Variants in STK10 observed in about 807,000 individuals in gnomAD.
STK10 encodes the protein serine/threonine kinase 10.
STK10 carries 78 observed loss-of-function variants against 113.8 expected under a neutral mutation model. The ratio of observed to expected loss-of-function variants is 0.69; its 90% CI spans 0.57 to 0.83. STK10 has a LOEUF of 0.83. Among genes scored for constraint, STK10 ranks in the 40% least tolerant of loss-of-function variants. STK10 has a pLI of 0.00. For synonymous variants in STK10, 465 were observed against 494.7 expected (o/e 0.94, Z 0.80); for missense variants, 1,109 against 1,280.1 (o/e 0.87, Z 2.04).
rs552183352 is a variant in STK10 at position 172,120,553 on chromosome 5, C to T, written c.371-2923G>A. On this transcript the variant is annotated intron_variant, in intron 3 of 18. Coordinates refer to ENST00000176763, the MANE Select transcript of STK10 (RefSeq NM_005990.4). The surrounding 1 kb of genome is among the most constrained non-coding windows in gnomAD (Gnocchi z 4.0). The stretch of plus-strand genomic sequence containing the variant: ...GCTTCAGGACCACACAGACCGAGGC[C>T]GTACCCAGGTGCTGCCTCTCACTAG... 2.6e-5 allele frequency among the ~76,000 whole-genome samples: 4 copies of T among 152,196 alleles called. No homozygotes were observed. The highest frequency in any genetic ancestry group is 9.6e-5 in the African/African-American group (4 of 41,568).
intron 4 of STK10, among the ~76,000 whole-genome samples, chr5:172,114,036 C>T (rs1769308673): frequency 6.6e-6 from 1 of 152,084 alleles, no homozygotes; most frequent in South Asian, 2.1e-4. Flanking sequence ...TATCTATGAC[C>T]CTTTAAGGCA....
chr5:172,134,237 TTCATCACCAGTGTTCCTTTTTA>T (rs1769809205), intron 2 of STK10, among the ~76,000 whole-genome samples: 1 of 152,106 alleles, frequency 6.6e-6, no homozygotes, highest in Non-Finnish European at 1.5e-5. Context: ...TATCCTAAAT[TTCATCACCAGTGTTCCTTTTTA>T]TCTTGCCTCA....
At chr5:172,148,661 C>T (rs1215987851) in intron 2 of STK10, among the ~76,000 whole-genome samples, 3 of 152,190 alleles carry the variant, frequency 2.0e-5, no homozygotes, top group African/African-American at 4.8e-5. Flanking sequence ...AACATTCTGC[C>T]GGACGATGGC....
At chr5:172,170,634 C>G (rs1770650931) in intron 1 of STK10, among the ~76,000 whole-genome samples, 1 of 152,236 alleles carries the variant, frequency 6.6e-6, no homozygotes, top group African/African-American at 2.4e-5. Flanking sequence ...TGTGAACCAG[C>G]AAATAAAATA....
chr5:172,045,012 T>C lies in STK10; in HGVS notation c.2777A>G (p.Glu926Gly). 3 of 1,614,156 alleles carry C rather than the reference T, an allele frequency of 1.9e-6. No homozygotes were observed. The highest frequency in any genetic ancestry group is 1.7e-6 in the Non-Finnish European group (2 of 1,180,032). The stretch of plus-strand genomic sequence containing the variant: ...CTCCCGCTTCTTCTGGTTCAGATCC[T>C]CTTCCAGAGCCTAGGGAAGAGAGAG... ...KLRPRKKALE[E>G]DLNQKKREQE... Residue 926 changes from glutamate to glycine, a missense_variant, in exon 19 of 19, where the codon GAG becomes GGG. Transcript: ENST00000176763.
intron 12 of STK10, among the ~76,000 whole-genome samples, chr5:172,081,539 T>C (rs1232261882): frequency 1.3e-5 from 2 of 152,152 alleles, no homozygotes; most frequent in African/African-American, 4.8e-5. Context: ...GAGGTATATC[T>C]GTGCCTAAGG....
In STK10 at chr5:172,188,202, C is replaced by CGAGGCACACT; in HGVS notation, c.-161_-160insAGTGTGCCTC. 8.0e-7 allele frequency: 1 copy of CGAGGCACACT among 1,257,326 alleles called. No homozygotes were observed. Among genetic ancestry groups the CGAGGCACACT allele is most frequent in the African/African-American group, 1.6e-5 (1 of 62,470 alleles). The allele number at this position is 1,257,326 out of a possible 1,614,324, so 77.9% of individuals were successfully genotyped here. On this transcript the variant is annotated 5_prime_UTR_variant, in exon 1 of 19. Coordinates refer to ENST00000176763, the MANE Select transcript of STK10 (RefSeq NM_005990.4). The surrounding 1 kb of genome is among the most constrained non-coding windows in gnomAD (Gnocchi z 5.6). Reference sequence around the variant, plus strand: ...CAGCCCGACCTCGGTCAAGTGTGCCCTGGGCAGCGCCGCGCCGGGAGCACC... The same window carrying CGAGGCACACT: ...CAGCCCGACCTCGGTCAAGTGTGCCCGAGGCACACTTGGGCAGCGCCGCGCCGGGAGCACC...
At position 172,093,979 on chromosome 5, in the gene STK10, A is replaced by T. The variant is rs1455417341; in HGVS notation, c.1006-19T>A. Reference sequence around the variant, plus strand: ...CCAGGGTCTAGAAAAATATATATATATATATTAAAGGCCATGCTGCTGTAT... The same window carrying T: ...CCAGGGTCTAGAAAAATATATATATTTATATTAAAGGCCATGCTGCTGTAT... On this transcript the variant is annotated intron_variant, in intron 8 of 18. Transcript: ENST00000176763. This position sits in a 1 kb window ranked among gnomAD's most constrained non-coding sequence, Gnocchi z 4.1. 1 of 1,386,746 alleles carries T rather than the reference A, an allele frequency of 7.2e-7. No homozygotes were observed. Among genetic ancestry groups the T allele is most frequent in the Non-Finnish European group, 9.4e-7 (1 of 1,063,642 alleles). 85.9% of individuals were successfully genotyped at this position (1,386,746 alleles called of 1,614,324 possible).
intron 7 of STK10, among the ~76,000 whole-genome samples, chr5:172,101,559 G>A (rs189947780): frequency 9.2e-4 from 140 of 152,150 alleles, no homozygotes; most frequent in African/African-American, 3.3e-3. Flanking sequence ...ACCTATCAGC[G>A]AACAAAACAA....
chr5:172,065,044 C>T (rs1440253709), intron 12 of STK10, among the ~76,000 whole-genome samples: 1 of 152,224 alleles, frequency 6.6e-6, no homozygotes, highest in Non-Finnish European at 1.5e-5. Flanking sequence ...TGGGCAGGTG[C>T]TGTTTTCAGC....
chr5:172,093,964 G>T lies in STK10; in HGVS notation c.1006-4C>A, dbSNP rs1488147903. On this transcript the variant is annotated splice_polypyrimidine_tract_variant and splice_region_variant and intron_variant, in intron 8 of 18. Transcript: ENST00000176763. The surrounding 1 kb of genome is among the most constrained non-coding windows in gnomAD (Gnocchi z 4.1). Reference sequence around the variant, plus strand: ...TCTGAGTATGGTTCTCCAGGGTCTAGAAAAATATATATATATATATTAAAG... The same window carrying T: ...TCTGAGTATGGTTCTCCAGGGTCTATAAAAATATATATATATATATTAAAG... The T allele has an allele frequency of 1.4e-6, 2 of 1,465,464 alleles. No individual in the cohort carries two copies. The highest frequency in any genetic ancestry group is 2.8e-5 in the African/African-American group (2 of 70,570). The allele number at this position is 1,465,464 out of a possible 1,614,324, so 90.8% of individuals were successfully genotyped here.
rs538581877 is a variant in STK10 at position 172,079,483 on chromosome 5, TTTTG to T, written c.1989+2839_1989+2842del. On this transcript the variant is annotated intron_variant, in intron 12 of 18. Coordinates refer to ENST00000176763, the MANE Select transcript of STK10 (RefSeq NM_005990.4). ...TGTTTTATTTGTTCAATATTGGACTTTTTGTTTGTTTGTCTGGCTTCTCTGGAAA... is the reference window on the plus strand; with the variant it reads ...TGTTTTATTTGTTCAATATTGGACTTTTTGTTTGTCTGGCTTCTCTGGAAA... Among the ~76,000 whole-genome samples the T allele has an allele frequency of 3.0e-3, 460 of 152,254 alleles. 3 individuals carry two copies. Among genetic ancestry groups the T allele is most frequent in the African/African-American group, 0.011 (438 of 41,546 alleles).
intron 4 of STK10, among the ~76,000 whole-genome samples, chr5:172,112,940 G>A (rs2096894802): frequency 6.6e-6 from 1 of 151,406 alleles, no homozygotes; most frequent in East Asian, 1.9e-4. Flanking sequence ...GAGACGGGGG[G>A]TTTCATCATG....
Position 172,096,430 on chromosome 5 carries a change from G to A in STK10, c.1001C>T (p.Ala334Val), listed in dbSNP as rs1341431985. Residue 334 changes from alanine (A) to valine (V), a missense_variant, in exon 8 of 19, where the codon GCC becomes GTC. Coordinates refer to ENST00000176763, the MANE Select transcript of STK10 (RefSeq NM_005990.4). ...CCCCACTCTCCCTGGCCTTACGGAG[G>A]CGGCATCCACGGCGTCCTCCTCTTC... Reference protein sequence around the residue: ...EGEEEDAVDAASTLENHTQNS... With the variant: ...EGEEEDAVDAVSTLENHTQNS... The A allele has an allele frequency of 7.4e-6, 12 of 1,611,978 alleles. No homozygotes were observed. The highest frequency in any genetic ancestry group is 1.0e-5 in the Non-Finnish European group (12 of 1,179,942).
chr5:172,087,264 TTTA>T (rs1316387626), intron 10 of STK10, among the ~76,000 whole-genome samples: 3 of 70,858 alleles, frequency 4.2e-5, no homozygotes, highest in South Asian at 2.9e-4. Context: ...GGCTTATTTA[TTTA>T]TTTATTTATT....
intron 3 of STK10, among the ~76,000 whole-genome samples, chr5:172,122,463 A>G (rs1475207807): frequency 6.6e-6 from 1 of 152,174 alleles, no homozygotes; most frequent in Non-Finnish European, 1.5e-5. Flanking sequence ...TTTTGAGTCC[A>G]ATACATTTTT....
chr5:172,095,200 C>T (rs1768821071), intron 8 of STK10, among the ~76,000 whole-genome samples: 1 of 152,184 alleles, frequency 6.6e-6, no homozygotes, highest in Admixed American at 6.5e-5. Flanking sequence ...TTTTTAACCT[C>T]AGCTATGGCA....
At chr5:172,079,569 A>T (rs1009760520) in intron 12 of STK10, among the ~76,000 whole-genome samples, 1 of 140,720 alleles carries the variant, frequency 7.1e-6, no homozygotes, top group African/African-American at 3.0e-5. Context: ...TTATTTATTT[A>T]TTTATTTTTG....
intron 7 of STK10, among the ~76,000 whole-genome samples, chr5:172,102,682 C>T (rs1769016923): frequency 6.6e-6 from 1 of 152,132 alleles, no homozygotes; most frequent in Non-Finnish European, 1.5e-5. Context: ...GTGAGACCAA[C>T]ACCAAGGCTG....
Sources: allele counts gnomAD v4.1 joint callset (sites outside exome capture counted in the v4.1 genomes callset), GRCh38; gene constraint gnomAD v4.1.1; non-coding constraint Gnocchi (gnomAD v3.1); transcripts MANE v1.5; gene names NCBI Gene and HGNC (gene_info 2026-07-23, HGNC 2026-07-21).